The following PRELID2 variants were observed in gnomAD, a reference collection of about 807,000 sequenced individuals.
The protein encoded by PRELID2 is PRELI domain-containing protein 2.
PRELID2 carries 25 observed loss-of-function variants against 28.4 expected under a neutral mutation model. That is an observed-to-expected ratio of 0.88 (90% CI 0.64 to 1.23). The LOEUF (loss-of-function observed/expected upper bound fraction) is 1.23, where lower values mean the gene tolerates loss of function less well. Among genes scored for constraint, PRELID2 ranks in the 50% most tolerant of loss-of-function variants. The pLI is 0.00. For missense variants in PRELID2, 201 were observed against 214.4 expected (o/e 0.94, Z 0.39); for synonymous variants, 76 against 71.6 (o/e 1.06, Z -0.31).
At chr5:145,794,668 T>C (rs1316273545) in intron 5 of PRELID2, among the ~76,000 whole-genome samples, 1 of 152,164 alleles carries the variant, frequency 6.6e-6, no homozygotes, top group Non-Finnish European at 1.5e-5. Flanking sequence ...GTATCGGGTA[T>C]GCTTATCTTT....
intron 6 of PRELID2, among the ~76,000 whole-genome samples, chr5:145,763,188 G>A (rs996239030): frequency 3.3e-5 from 5 of 152,168 alleles, no homozygotes; most frequent in Non-Finnish European, 5.9e-5. Flanking sequence ...GAGCTGACTC[G>A]AGATCCCACC....
intron 5 of PRELID2, among the ~76,000 whole-genome samples, chr5:145,771,981 A>G (rs1296139158): frequency 1.3e-5 from 2 of 152,244 alleles, no homozygotes; most frequent in Non-Finnish European, 2.9e-5. Context: ...AGAATACTGC[A>G]TGACACTTCT....
intron 1 of PRELID2, among the ~76,000 whole-genome samples, chr5:145,640,205 G>T (rs974882072): frequency 1.3e-5 from 2 of 151,898 alleles, no homozygotes; most frequent in African/African-American, 4.8e-5. Context: ...ATTGGCCGGC[G>T]GCCGGGCGCG....
chr5:145,298,797 C>T, the PRELID2 span, among the ~76,000 whole-genome samples: 12 of 151,962 alleles, frequency 7.9e-5, no homozygotes, highest in African/African-American at 2.9e-4. Flanking sequence ...AGACAATATA[C>T]ATAGTATAGT....
chr5:145,625,396 C>T (rs1253770793), intron 1 of PRELID2, among the ~76,000 whole-genome samples: 1 of 152,074 alleles, frequency 6.6e-6, no homozygotes, highest in African/African-American at 2.4e-5. Context: ...AATGAATGAA[C>T]TGTAGCTGTG....
At chr5:145,462,092 G>A in the PRELID2 span, among the ~76,000 whole-genome samples, 2 of 152,096 alleles carry the variant, frequency 1.3e-5, no homozygotes, top group African/African-American at 2.4e-5. Flanking sequence ...ATCTACCTAC[G>A]GCCATGCCCA....
downstream of PRELID2, among the ~76,000 whole-genome samples, chr5:145,752,299 GCTTCTGAGTTGACACGTACAGAAAGACTA>G (rs1245610068): frequency 6.6e-6 from 1 of 152,174 alleles, no homozygotes; most frequent in Non-Finnish European, 1.5e-5. Context: ...TACAATGCTG[GCTTCTGAGTTGACACGTACAGAAAGACTA>G]CTTTCCATAC....
At chr5:145,369,947 C>T in the PRELID2 span, among the ~76,000 whole-genome samples, 1 of 148,400 alleles carries the variant, frequency 6.7e-6, no homozygotes, top group African/African-American at 2.4e-5. Context: ...ATACTTTGCC[C>T]ACGTTTTAAT....
At chr5:145,582,869 AAAG>A (rs1229829809) in intron 1 of PRELID2, among the ~76,000 whole-genome samples, 1 of 152,164 alleles carries the variant, frequency 6.6e-6, no homozygotes, top group Non-Finnish European at 1.5e-5. Flanking sequence ...CCAGAGATAC[AAAG>A]AAGAGCTGGT....
chr5:145,726,043 A>G (rs1246141750), intron 1 of PRELID2, among the ~76,000 whole-genome samples: 1 of 151,782 alleles, frequency 6.6e-6, no homozygotes, highest in African/African-American at 2.4e-5. Flanking sequence ...TTTAATAGCC[A>G]GAGTAGTCTC....
the PRELID2 span, among the ~76,000 whole-genome samples, chr5:145,436,581 G>A: frequency 4.0e-5 from 6 of 151,896 alleles, no homozygotes; most frequent in African/African-American, 7.3e-5. Flanking sequence ...CCTCTACCTC[G>A]CCAGCATTTG....
At chr5:145,467,621 A>T (rs1019930249), downstream of PRELID2, among the ~76,000 whole-genome samples, 2 of 152,130 alleles carry the variant, frequency 1.3e-5, no homozygotes, top group African/African-American at 4.8e-5. Context: ...CAAGAAGGAA[A>T]CAGAAGTTAC....
At chr5:145,329,369 G>A in the PRELID2 span, among the ~76,000 whole-genome samples, 3 of 152,116 alleles carry the variant, frequency 2.0e-5, no homozygotes, top group Non-Finnish European at 4.4e-5. Flanking sequence ...ATTACTTTGG[G>A]CAGTATGGCC....
At chr5:145,833,661 C>T (rs939651961) in intron 1 of PRELID2, among the ~76,000 whole-genome samples, 1 of 152,210 alleles carries the variant, frequency 6.6e-6, no homozygotes, top group African/African-American at 2.4e-5. Context: ...CCAGTGTCCT[C>T]CTCACTCCTC....
At chr5:145,588,665 A>G (rs967080916) in intron 1 of PRELID2, among the ~76,000 whole-genome samples, 1 of 152,058 alleles carries the variant, frequency 6.6e-6, no homozygotes, top group Middle Eastern at 3.2e-3. Flanking sequence ...GTCCTACCTC[A>G]TGCTCTCCTG....
At chr5:145,276,724 A>G in the PRELID2 span, among the ~76,000 whole-genome samples, 1 of 152,134 alleles carries the variant, frequency 6.6e-6, no homozygotes, top group Non-Finnish European at 1.5e-5. Context: ...ACATTTTCAT[A>G]TCTGACAGTA....
At chr5:145,550,714 T>C (rs957978143) in intron 1 of PRELID2, among the ~76,000 whole-genome samples, 3 of 152,316 alleles carry the variant, frequency 2.0e-5, no homozygotes, top group East Asian at 3.9e-4. Context: ...GGGGAATAAA[T>C]TGAATTCAGT....
chr5:145,303,965 G>C, the PRELID2 span, among the ~76,000 whole-genome samples: 1 of 152,010 alleles, frequency 6.6e-6, no homozygotes, highest in Non-Finnish European at 1.5e-5. Context: ...TGATAGAATC[G>C]GTGAAAATGG....
chr5:145,724,647 A>ATATATATATATATATATAT (rs67887334), intron 1 of PRELID2, among the ~76,000 whole-genome samples: 2 of 121,788 alleles, frequency 1.6e-5, no homozygotes, highest in Non-Finnish European at 3.5e-5. Flanking sequence ...ATATATATAT[A>ATATATATATATATATATAT]ATGCCTGTAA....
Sources: gnomAD v4.1 joint callset for allele counts (sites outside exome capture counted in the v4.1 genomes callset) on GRCh38, gnomAD v4.1.1 for gene constraint, MANE v1.5 for transcripts, NCBI Gene and HGNC (gene_info 2026-07-23, HGNC 2026-07-21) for gene names.